Variants in FLYWCH1 observed in about 807,000 individuals in gnomAD.
The protein encoded by FLYWCH1 is FLYWCH-type zinc finger-containing protein 1.
In FLYWCH1, 75 loss-of-function variants were observed where a neutral mutation model predicts 66.4. That is an observed-to-expected ratio of 1.13 (90% CI 0.94 to 1.37). FLYWCH1 has a LOEUF of 1.37. Ranked by LOEUF, FLYWCH1 falls within the 40% of genes most tolerant of loss-of-function variation. FLYWCH1 has a pLI of 0.00. For synonymous variants in FLYWCH1, 595 were observed against 429.9 expected, an observed-to-expected ratio of 1.38 and a Z score of -4.75; for missense variants, 1,334 against 1,001.8, an observed-to-expected ratio of 1.33 and a Z score of -4.48.
chr16:2,949,217 C>T lies in FLYWCH1; in HGVS notation c.*490C>T, dbSNP rs734138. 82,915 of 158,122 alleles carry T rather than the reference C, an allele frequency of 0.52. 22,189 individuals are homozygous for T. The highest frequency in any genetic ancestry group is 0.62 in the African/African-American group (25,877 of 41,562). The allele number at this position is 158,122 out of a possible 1,614,324, so 9.8% of individuals were successfully genotyped here. A position where few individuals can be genotyped will look rare whatever the true frequency, so the allele number is the denominator to read the frequency against. ...AGGCCAGGTCAACCCACACCAATCTCTTCTGGACAGGTGCTGGGTAGGCCT... is the reference window on the plus strand; with the variant it reads ...AGGCCAGGTCAACCCACACCAATCTTTTCTGGACAGGTGCTGGGTAGGCCT... On this transcript the variant is annotated 3_prime_UTR_variant, in exon 10 of 10. Transcript: ENST00000253928.
chr16:2,942,553 C>A (rs957566359), intron 9 of FLYWCH1, among the ~76,000 whole-genome samples: 1 of 147,298 alleles, frequency 6.8e-6, no homozygotes, highest in South Asian at 2.2e-4. Context: ...AGAATACCAG[C>A]AAACAGAATC....
intron 2 of FLYWCH1, among the ~76,000 whole-genome samples, chr16:2,924,317 C>T (rs1389419636): frequency 1.4e-5 from 2 of 148,030 alleles, no homozygotes; most frequent in East Asian, 2.0e-4. Flanking sequence ...GGTGACAGAG[C>T]GAGACTCCAT....
intron 9 of FLYWCH1, among the ~76,000 whole-genome samples, chr16:2,941,468 G>A (rs367616591): frequency 6.6e-6 from 1 of 152,090 alleles, no homozygotes; most frequent in Admixed American, 6.6e-5. Flanking sequence ...AACTCAGCCA[G>A]TCATGGTAGC....
chr16:2,927,463 CATT>C (rs2070611728), intron 2 of FLYWCH1, among the ~76,000 whole-genome samples: 1 of 152,156 alleles, frequency 6.6e-6, no homozygotes, highest in African/African-American at 2.4e-5. Flanking sequence ...TCTATGAGAA[CATT>C]ATTAGATTCC....
At chr16:2,932,765 T>C (rs888058707) in intron 4 of FLYWCH1, among the ~76,000 whole-genome samples, 3 of 151,968 alleles carry the variant, frequency 2.0e-5, no homozygotes, top group African/African-American at 7.3e-5. Context: ...GACCACTGAG[T>C]CTGAGTCCAG....
chr16:2,949,061 C>T lies in FLYWCH1; in HGVS notation c.*334C>T, dbSNP rs1345378477. ...CCACAGCACCCCTGGGTTTGCAGAG[C>T]ACGCAGCCTTCCTAGGGCTTTCCAC... On this transcript the variant is annotated 3_prime_UTR_variant, in exon 10 of 10. Transcript: ENST00000253928. 3.9e-5 allele frequency: 15 copies of T among 386,050 alleles called. No individual in the cohort carries two copies. Among genetic ancestry groups the T allele is most frequent in the Non-Finnish European group, 3.4e-5 (7 of 204,520 alleles). 23.9% of individuals were successfully genotyped at this position (386,050 alleles called of 1,614,324 possible).
chr16:2,935,374 T>G (rs573593840), intron 6 of FLYWCH1: 19 of 152,452 alleles, frequency 1.2e-4, no homozygotes, highest in Admixed American at 1.1e-3. Context: ...CGACCCCACC[T>G]GGATCCGATC....
chr16:2,930,926 C>T lies in FLYWCH1; in HGVS notation c.796+46C>T, dbSNP rs909553568. The T allele has an allele frequency of 4.2e-6, 6 of 1,426,002 alleles. No individual in the cohort carries two copies. The Admixed American group carries it at 1.2e-4, about 28-fold the overall frequency. 88.3% of individuals were successfully genotyped at this position (1,426,002 alleles called of 1,614,324 possible). A position where few individuals can be genotyped will look rare whatever the true frequency, so the allele number is the denominator to read the frequency against. On this transcript the variant is annotated intron_variant, in intron 4 of 9. Transcript: ENST00000253928. ...TGCTGCGTCCACTCGGGGCAGGGGA[C>T]CCGAGGGCCCTTCCTCAGCCCAAAT...
chr16:2,925,055 C>T (rs1381287771), intron 2 of FLYWCH1, among the ~76,000 whole-genome samples: 1 of 152,376 alleles, frequency 6.6e-6, no homozygotes, highest in South Asian at 2.1e-4. Context: ...TGCCCGCCTG[C>T]ACTCCCATGG....
intron 2 of FLYWCH1, among the ~76,000 whole-genome samples, chr16:2,928,284 T>A (rs1470220874): frequency 1.3e-5 from 2 of 152,190 alleles, no homozygotes; most frequent in East Asian, 3.9e-4. Context: ...CCTCTTTCAC[T>A]CCTCCTCCTC....
chr16:2,917,556 G>T (rs2070215510), intron 2 of FLYWCH1, among the ~76,000 whole-genome samples: 1 of 151,858 alleles, frequency 6.6e-6, no homozygotes, highest in African/African-American at 2.4e-5. Flanking sequence ...ACATTAATGA[G>T]GAAACCTGTA....
chr16:2,940,068 C>G lies in FLYWCH1; in HGVS notation c.2087C>G (p.Ser696Cys). The G allele has an allele frequency of 1.3e-6, 2 of 1,498,120 alleles. No homozygotes were observed. The highest frequency in any genetic ancestry group is 1.9e-6 in the Non-Finnish European group (2 of 1,075,206). The allele number at this position is 1,498,120 out of a possible 1,614,324, so 92.8% of individuals were successfully genotyped here. Residue 696 changes from serine (S) to cysteine (C), a missense_variant, in exon 9 of 10, where the codon TCT becomes TGT. Transcript: ENST00000253928. Reference protein sequence around the residue: ...IQVQLCFKTCSPESQQIYGDI... With the variant: ...IQVQLCFKTCCPESQQIYGDI... Reference sequence around the variant, plus strand: ...GTTCAGCTGTGCTTCAAGACGTGTTCTCCTGAAAGCCAGCAGATTTATGGG... The same window carrying G: ...GTTCAGCTGTGCTTCAAGACGTGTTGTCCTGAAAGCCAGCAGATTTATGGG...
At chr16:2,934,730 T>C (rs1317015740) in intron 6 of FLYWCH1, 3 of 453,346 alleles carry the variant, frequency 6.6e-6, no homozygotes, top group Non-Finnish European at 1.3e-5. Flanking sequence ...CTTTCTCTTT[T>C]TGTTCCATCT....
At chr16:2,926,907 T>C (rs1050821781) in intron 2 of FLYWCH1, among the ~76,000 whole-genome samples, 3 of 152,180 alleles carry the variant, frequency 2.0e-5, no homozygotes, top group East Asian at 3.8e-4. Context: ...CAAATGCAGG[T>C]TAGACAAGTA....
At chr16:2,915,071 GAT>G (rs936780641) in intron 2 of FLYWCH1, 1 of 148,398 alleles carries the variant, frequency 6.7e-6, no homozygotes, top group Non-Finnish European at 1.5e-5. Flanking sequence ...TATTAAATGA[GAT>G]ATTTATTGAA....
chr16:2,942,022 A>AC (rs1567351589), intron 9 of FLYWCH1, among the ~76,000 whole-genome samples: 1 of 135,346 alleles, frequency 7.4e-6, no homozygotes, highest in African/African-American at 2.9e-5. Context: ...AAAAAAAAAA[A>AC]ACTGAAGCAG....
intron 2 of FLYWCH1, among the ~76,000 whole-genome samples, chr16:2,924,398 T>C (rs2070484505): frequency 6.6e-6 from 1 of 152,010 alleles, no homozygotes; most frequent in Non-Finnish European, 1.5e-5. Context: ...TATCAGCTAT[T>C]GTGTAGCATA....
intron 2 of FLYWCH1, among the ~76,000 whole-genome samples, chr16:2,927,683 A>G (rs981144231): frequency 9.9e-5 from 15 of 152,234 alleles, no homozygotes; most frequent in African/African-American, 3.6e-4. Flanking sequence ...CAGTCAGTAG[A>G]TCATGAGACT....
At position 2,940,063 on chromosome 16, in the gene FLYWCH1, G is replaced by A. The variant is rs772263022; in HGVS notation, c.2082G>A (p.Thr694=). The change falls in exon 9 of 10, where the codon ACG becomes ACA. Residue 694 remains threonine, a synonymous_variant. Coordinates refer to ENST00000253928, the MANE Select transcript of FLYWCH1 (RefSeq NM_001308068.2). ...EKIQVQLCFK[T]CSPESQQIYG... is the part of the protein sequence containing the mutation. ...TTCAAGTTCAGCTGTGCTTCAAGAC[G>A]TGTTCTCCTGAAAGCCAGCAGATTT... 1.2e-5 allele frequency: 18 copies of A among 1,528,816 alleles called. No individual in the cohort carries two copies. The highest frequency in any genetic ancestry group is 4.5e-5 in the East Asian group (2 of 44,454). The allele number at this position is 1,528,816 out of a possible 1,614,324, so 94.7% of individuals were successfully genotyped here. A position where few individuals can be genotyped will look rare whatever the true frequency, so the allele number is the denominator to read the frequency against.
Sources: allele counts gnomAD v4.1 joint callset (sites outside exome capture counted in the v4.1 genomes callset), GRCh38; gene constraint gnomAD v4.1.1; transcripts MANE v1.5; gene names NCBI Gene and HGNC (gene_info 2026-07-23, HGNC 2026-07-21).